FMN1: variants seen among roughly 807,000 people sequenced by gnomAD.
FMN1 encodes formin 1.
Under a neutral mutation model 132.4 loss-of-function variants are expected in FMN1, and 110 were observed. The ratio of observed to expected loss-of-function variants is 0.83; its 90% CI spans 0.71 to 0.97. The LOEUF (loss-of-function observed/expected upper bound fraction) is 0.97. Ranked by LOEUF, FMN1 falls within the 50% of genes least tolerant of loss-of-function variation. The pLI is 0.00. For synonymous variants in FMN1, 722 were observed against 651.7 expected (o/e 1.11, Z -1.64); for missense variants, 1,792 against 1,705.3 (o/e 1.05, Z -0.90).
chr15:32,802,993 G>A (rs1340257295), intron 18 of FMN1, among the ~76,000 whole-genome samples: 1 of 152,144 alleles, frequency 6.6e-6, no homozygotes, highest in Non-Finnish European at 1.5e-5. Context: ...CCTTCACCTT[G>A]CTTTCACCAG....
chr15:33,037,338 T>C (rs1020499878), intron 6 of FMN1, among the ~76,000 whole-genome samples: 3 of 152,078 alleles, frequency 2.0e-5, no homozygotes, highest in African/African-American at 7.2e-5. Flanking sequence ...CTACAGCTGA[T>C]CTGAGTTTGG....
intron 16 of FMN1, among the ~76,000 whole-genome samples, chr15:32,862,902 C>G (rs1404979745): frequency 1.3e-5 from 2 of 152,162 alleles, no homozygotes; most frequent in African/African-American, 4.8e-5. Flanking sequence ...AGTCTTACCC[C>G]ACCCTTCCAC....
intron 6 of FMN1, among the ~76,000 whole-genome samples, chr15:33,056,399 G>C (rs1471442464): frequency 6.6e-6 from 1 of 152,212 alleles, no homozygotes; most frequent in Non-Finnish European, 1.5e-5. Flanking sequence ...TGGCACAGAA[G>C]ATTTATAGTC....
At chr15:32,960,943 C>T (rs202104264) in intron 9 of FMN1, among the ~76,000 whole-genome samples, 1 of 137,250 alleles carries the variant, frequency 7.3e-6, no homozygotes, top group African/African-American at 2.8e-5. Context: ...TGCAGTGAGC[C>T]GAGATCACAC....
chr15:32,870,103 C>T (rs1457966063), intron 16 of FMN1, among the ~76,000 whole-genome samples: 1 of 152,148 alleles, frequency 6.6e-6, no homozygotes, highest in Non-Finnish European at 1.5e-5. Context: ...TTCTTGGTGA[C>T]TTTAAAACTG....
intron 5 of FMN1, among the ~76,000 whole-genome samples, chr15:33,085,478 T>C (rs377586487): frequency 6.8e-4 from 103 of 151,430 alleles, no homozygotes; most frequent in African/African-American, 2.2e-3. Context: ...AACATACTAA[T>C]ATATACTGTT....
At chr15:33,016,601 G>A (rs1253407769) in intron 6 of FMN1, among the ~76,000 whole-genome samples, 2 of 152,180 alleles carry the variant, frequency 1.3e-5, no homozygotes, top group Non-Finnish European at 2.9e-5. Flanking sequence ...TTTTAACTGG[G>A]TGTCTCAGGC....
intron 9 of FMN1, among the ~76,000 whole-genome samples, chr15:32,947,712 C>A (rs1008044621): frequency 3.3e-5 from 5 of 152,042 alleles, no homozygotes; most frequent in Admixed American, 3.3e-4. Flanking sequence ...ATTTTCTACA[C>A]TGACTCGACC....
At chr15:32,961,635 A>G (rs989922445) in intron 9 of FMN1, among the ~76,000 whole-genome samples, 1 of 152,216 alleles carries the variant, frequency 6.6e-6, no homozygotes, top group African/African-American at 2.4e-5. Context: ...AACAGTAGCA[A>G]AAACAAGAGC....
chr15:32,791,348 C>G (rs1000231410), intron 19 of FMN1, among the ~76,000 whole-genome samples: 8 of 133,360 alleles, frequency 6.0e-5, no homozygotes, highest in African/African-American at 2.0e-4. Context: ...TCATGCTTAG[C>G]TGTGAAATAG....
intron 16 of FMN1, among the ~76,000 whole-genome samples, chr15:32,864,908 T>C (rs2059356379): frequency 6.6e-6 from 1 of 152,188 alleles, no homozygotes; most frequent in Admixed American, 6.5e-5. Flanking sequence ...ATACACAGAA[T>C]GAAATATTTG....
intron 6 of FMN1, among the ~76,000 whole-genome samples, chr15:33,050,535 A>G (rs916880341): frequency 1.2e-4 from 19 of 152,256 alleles, no homozygotes; most frequent in African/African-American, 4.1e-4. Context: ...AACACCACTT[A>G]TATCAGAAAA....
chr15:33,075,272 T>G (rs1376703239), intron 5 of FMN1, among the ~76,000 whole-genome samples: 1 of 152,130 alleles, frequency 6.6e-6, no homozygotes, highest in Admixed American at 6.5e-5. Context: ...AAGGAACAGC[T>G]TCCTTAGGGA....
chr15:33,168,704 T>C (rs1272917106), intron 3 of FMN1, among the ~76,000 whole-genome samples: 1 of 152,246 alleles, frequency 6.6e-6, no homozygotes, highest in Non-Finnish European at 1.5e-5. Context: ...GCTGTGGCTG[T>C]GGACAGTTGG....
chr15:33,128,046 G>C (rs962960865), intron 4 of FMN1, among the ~76,000 whole-genome samples: 1 of 152,072 alleles, frequency 6.6e-6, no homozygotes. Context: ...CACGACACAG[G>C]TCAGGTGACA....
chr15:32,908,580 T>C lies in FMN1; in HGVS notation c.3289-2A>G, dbSNP rs764234828. 5.3e-6 allele frequency: 8 copies of C among 1,506,452 alleles called. No individual in the cohort carries two copies. The highest frequency in any genetic ancestry group is 1.2e-5 in the South Asian group (1 of 82,800). The allele number at this position is 1,506,452 out of a possible 1,614,324, so 93.3% of individuals were successfully genotyped here. A position where few individuals can be genotyped will look rare whatever the true frequency, so the allele number is the denominator to read the frequency against. On this transcript the variant is annotated splice_acceptor_variant, in intron 11 of 20. Coordinates refer to ENST00000616417, the MANE Select transcript of FMN1 (RefSeq NM_001277313.2). LOFTEE classifies it high-confidence loss of function. ...AACCAGCTCATCCTCTTGGGCTCTC[T>C]GTATCAAAATAGAAAACAAAACCAA...
At chr15:32,803,096 G>A (rs890347846) in intron 18 of FMN1, among the ~76,000 whole-genome samples, 10 of 152,154 alleles carry the variant, frequency 6.6e-5, no homozygotes, top group African/African-American at 2.4e-4. Flanking sequence ...TGGGATTTCA[G>A]AAGTCTCGGA....
At chr15:33,020,818 A>T (rs2035379854) in intron 6 of FMN1, among the ~76,000 whole-genome samples, 1 of 152,210 alleles carries the variant, frequency 6.6e-6, no homozygotes, top group African/African-American at 2.4e-5. Flanking sequence ...TTTGGCATTT[A>T]TATTCCAGTA....
At chr15:33,014,512 T>C (rs995853467) in intron 6 of FMN1, among the ~76,000 whole-genome samples, 8 of 152,180 alleles carry the variant, frequency 5.3e-5, no homozygotes, top group Non-Finnish European at 5.9e-5. Context: ...TGGAAGTTAA[T>C]AAATCAATTT....
Sources: gnomAD v4.1 joint callset for allele counts (sites outside exome capture counted in the v4.1 genomes callset) on GRCh38, gnomAD v4.1.1 for gene constraint, MANE v1.5 for transcripts, NCBI Gene and HGNC (gene_info 2026-07-23, HGNC 2026-07-21) for gene names.